The following PRH1 variants were observed in gnomAD, a reference collection of about 807,000 sequenced individuals.
PRH1 encodes proline rich protein HaeIII subfamily 1, also known as salivary acidic proline-rich phosphoprotein 1/2.
Under a neutral mutation model 7.9 loss-of-function variants are expected in PRH1, and 7 were observed. The observed-to-expected ratio is 0.89, with a 90% CI of 0.50 to 1.67. The LOEUF is 1.67. PRH1 is among the 40% of genes most tolerant of loss of function. The pLI is 0.00. For synonymous variants in PRH1, 45 were observed against 80.8 expected, an observed-to-expected ratio of 0.56 and a Z score of 2.38; for missense variants, 109 against 223.6, an observed-to-expected ratio of 0.49 and a Z score of 3.27.
intron 1 of PRH1, chr12:11,061,404 C>A (rs1195306876): frequency 4.3e-6 from 7 of 1,613,782 alleles, no homozygotes; most frequent in Non-Finnish European, 5.9e-6. Context: ...CCCAGTACCT[C>A]ACATGCCACA....
chr12:11,102,953 G>T (rs1193917869), intron 1 of PRH1, among the ~76,000 whole-genome samples: 7 of 152,078 alleles, frequency 4.6e-5, no homozygotes, highest in African/African-American at 1.7e-4. Flanking sequence ...GCTCATCATC[G>T]CTGGCCATCA....
intron 1 of PRH1, among the ~76,000 whole-genome samples, chr12:11,113,162 T>C (rs1291944883): frequency 6.6e-6 from 1 of 151,120 alleles, no homozygotes; most frequent in African/African-American, 2.4e-5. Flanking sequence ...CACAAACACA[T>C]GGAAAAACAT....
intron 1 of PRH1, among the ~76,000 whole-genome samples, chr12:11,170,122 G>A (rs1053096152): frequency 2.0e-5 from 3 of 152,162 alleles, no homozygotes; most frequent in Non-Finnish European, 4.4e-5. Flanking sequence ...CGGTGTGTGC[G>A]ATTAAAAAAT....
intron 1 of PRH1, among the ~76,000 whole-genome samples, chr12:10,987,578 C>A (rs1939714498): frequency 1.3e-5 from 2 of 151,582 alleles, no homozygotes; most frequent in Non-Finnish European, 2.9e-5. Context: ...CTGTGACACC[C>A]CTAAGAGATG....
At chr12:11,137,382 C>T (rs991370686) in intron 1 of PRH1, among the ~76,000 whole-genome samples, 1 of 152,182 alleles carries the variant, frequency 6.6e-6, no homozygotes, top group African/African-American at 2.4e-5. Flanking sequence ...ACCATTTAAT[C>T]CCTATCCGTG....
intron 2 of PRH1, among the ~76,000 whole-genome samples, chr12:10,917,001 G>A (rs926493055): frequency 3.9e-5 from 6 of 152,164 alleles, no homozygotes; most frequent in Non-Finnish European, 5.9e-5. Context: ...GCTTGAGCCC[G>A]GAAGGCCCAG....
At chr12:11,107,501 C>T (rs1274073799) in intron 1 of PRH1, among the ~76,000 whole-genome samples, 6 of 152,200 alleles carry the variant, frequency 3.9e-5, no homozygotes, top group Non-Finnish European at 7.3e-5. Flanking sequence ...AGTGCAATCC[C>T]TATCAAATCC....
At chr12:11,166,397 C>T (rs999470468) in intron 1 of PRH1, 5 of 151,658 alleles carry the variant, frequency 3.3e-5, no homozygotes, top group African/African-American at 9.7e-5. Flanking sequence ...CCTGTGACAA[C>T]AGACTTCTAA....
Position 11,113,012 on chromosome 12 carries a change from A to C in PRH1, n.123+58410T>G, listed in dbSNP as rs534333918. On this transcript the variant is annotated intron_variant and non_coding_transcript_variant, in intron 1 of 4. Transcript: ENST00000541977. Reference sequence around the variant, plus strand: ...ATTCCTATACACCAATAACAGACAAACAGAGAGCCAAATCATGAGTGAACT... The same window carrying C: ...ATTCCTATACACCAATAACAGACAACCAGAGAGCCAAATCATGAGTGAACT... 2.0e-5 allele frequency among the ~76,000 whole-genome samples: 3 copies of C among 152,164 alleles called. No individual in the cohort carries two copies. The South Asian group carries it at 6.2e-4, about 32-fold the overall frequency.
At chr12:10,945,398 C>G (rs1565490560) in intron 2 of PRH1, among the ~76,000 whole-genome samples, 1 of 152,090 alleles carries the variant, frequency 6.6e-6, no homozygotes, top group Non-Finnish European at 1.5e-5. Context: ...AATTTTAAAG[C>G]TGGTGTCTGG....
At chr12:10,986,408 C>G (rs537572710) in intron 1 of PRH1, 27 of 1,613,934 alleles carry the variant, frequency 1.7e-5, no homozygotes, top group Non-Finnish European at 2.0e-5. Flanking sequence ...CCCACATACT[C>G]TCATCCATGT....
intron 1 of PRH1, among the ~76,000 whole-genome samples, chr12:11,020,327 G>C (rs373186212): frequency 0.05 from 972 of 19,546 alleles, no homozygotes; most frequent in Middle Eastern, 0.23. Flanking sequence ...TCTTTTTATG[G>C]TGATTACATT....
chr12:10,938,215 T>C (rs746404240), intron 2 of PRH1: 6 of 1,335,338 alleles, frequency 4.5e-6, no homozygotes, highest in African/African-American at 1.5e-5. Flanking sequence ...TTATATAACA[T>C]ACAAGAATTT....
At chr12:11,141,821 T>C (rs1181751640) in intron 1 of PRH1, among the ~76,000 whole-genome samples, 1 of 152,200 alleles carries the variant, frequency 6.6e-6, no homozygotes. Context: ...AGGGTCTTGC[T>C]CTGTCACCCA....
At chr12:10,932,547 T>C (rs971463040) in intron 2 of PRH1, among the ~76,000 whole-genome samples, 2 of 152,218 alleles carry the variant, frequency 1.3e-5, no homozygotes, top group African/African-American at 4.8e-5. Flanking sequence ...GGTCATTTCC[T>C]GATAGTCTAG....
chr12:10,966,400 A>G (rs1938500659), intron 2 of PRH1, among the ~76,000 whole-genome samples: 1 of 152,212 alleles, frequency 6.6e-6, no homozygotes, highest in African/African-American at 2.4e-5. Flanking sequence ...CTTCACACAG[A>G]GGTTTGAGAT....
chr12:11,092,353 T>C, intron 1 of PRH1: 1 of 377,864 alleles, frequency 2.6e-6, no homozygotes, highest in Non-Finnish European at 4.8e-6. Context: ...TGAGTGTTGC[T>C]GCTCTTAAAG....
intron 1 of PRH1, among the ~76,000 whole-genome samples, chr12:11,019,010 A>G (rs1425788777): frequency 7.6e-6 from 1 of 131,582 alleles, no homozygotes; most frequent in Admixed American, 8.0e-5. Context: ...AAATAAATTA[A>G]AAAAAAACTA....
chr12:11,102,843 A>T (rs1318355119), intron 1 of PRH1, among the ~76,000 whole-genome samples: 1 of 152,246 alleles, frequency 6.6e-6, no homozygotes, highest in Non-Finnish European at 1.5e-5. Flanking sequence ...CAAATTTACA[A>T]GAAAAAAATC....
Sources: gnomAD v4.1 joint callset for allele counts (sites outside exome capture counted in the v4.1 genomes callset) on GRCh38, gnomAD v4.1.1 for gene constraint, MANE v1.5 for transcripts, NCBI Gene and HGNC (gene_info 2026-07-23, HGNC 2026-07-21) for gene names.